The following CNTN3 variants were observed in gnomAD, a reference collection of about 807,000 sequenced individuals.
CNTN3 encodes the protein contactin-3.
In CNTN3, 60 loss-of-function variants were observed where a neutral mutation model predicts 119.1. The ratio of observed to expected loss-of-function variants is 0.50; its 90% CI spans 0.41 to 0.62. The LOEUF (loss-of-function observed/expected upper bound fraction) is 0.62. Among genes scored for constraint, CNTN3 ranks in the 20% least tolerant of loss-of-function variants. CNTN3 has a pLI of 0.00. For missense variants in CNTN3, 1,101 were observed against 1,242.4 expected, an observed-to-expected ratio of 0.89 and a Z score of 1.71; for synonymous variants, 450 against 438.7, an observed-to-expected ratio of 1.03 and a Z score of -0.32.
chr3:74,335,068 G>C (rs1703358558), intron 12 of CNTN3, among the ~76,000 whole-genome samples, 158 bp from the exon 13 acceptor site: 1 of 152,108 alleles, frequency 6.6e-6, no homozygotes, highest in Admixed American at 6.6e-5. Flanking sequence ...AACATTAAAA[G>C]AGGCATTTTG....
chr3:74,606,928 A>G (rs539112971), intron 1 of CNTN3, among the ~76,000 whole-genome samples: 6 of 152,322 alleles, frequency 3.9e-5, no homozygotes, highest in Non-Finnish European at 7.4e-5. Flanking sequence ...ACTACTAAAT[A>G]GAAACATGTA....
chr3:74,267,932 T>A (rs1219848552), intron 20 of CNTN3, among the ~76,000 whole-genome samples: 1 of 152,160 alleles, frequency 6.6e-6, no homozygotes, highest in Non-Finnish European at 1.5e-5. Context: ...CCTTGTATGA[T>A]AAGATGGGCA....
intron 12 of CNTN3, among the ~76,000 whole-genome samples, chr3:74,335,179 C>G (rs1575734058): frequency 6.6e-6 from 1 of 152,018 alleles, no homozygotes; most frequent in African/African-American, 2.4e-5. Context: ...GTCGTGTAAA[C>G]AACAGTTATA....
chr3:74,610,662 A>G (rs1193184322), intron 1 of CNTN3, among the ~76,000 whole-genome samples: 1 of 152,144 alleles, frequency 6.6e-6, no homozygotes, highest in African/African-American at 2.4e-5. Flanking sequence ...ATTAAAAAAA[A>G]AAGAAGTCTT....
chr3:74,584,322 G>C (rs1056977356), intron 1 of CNTN3, among the ~76,000 whole-genome samples: 1 of 152,064 alleles, frequency 6.6e-6, no homozygotes, highest in African/African-American at 2.4e-5. Flanking sequence ...ATAATCTTGT[G>C]ATATACTTTT....
chr3:74,330,642 A>G (rs1703243137), intron 13 of CNTN3, among the ~76,000 whole-genome samples: 1 of 152,158 alleles, frequency 6.6e-6, no homozygotes, highest in African/African-American at 2.4e-5. Context: ...AAAGAGTCTC[A>G]TATAGGTCCT....
intron 8 of CNTN3, among the ~76,000 whole-genome samples, chr3:74,367,381 A>T (rs948917197): frequency 7.2e-5 from 11 of 152,022 alleles, no homozygotes; most frequent in African/African-American, 2.7e-4. Context: ...AAATAACACC[A>T]ATTTTTAATT....
At chr3:74,439,762 A>T (rs1200711547) in intron 4 of CNTN3, among the ~76,000 whole-genome samples, 1 of 152,170 alleles carries the variant, frequency 6.6e-6, no homozygotes, top group Non-Finnish European at 1.5e-5. Flanking sequence ...CTTCACCTAC[A>T]AAAGGTGAAA....
At position 74,369,971 on chromosome 3, in the gene CNTN3, GTT is replaced by G; in HGVS notation, c.677_678del (p.Glu226AlafsTer2). 1 of 1,592,240 alleles carries G rather than the reference GTT, an allele frequency of 6.3e-7. No individual in the cohort carries two copies. Among genetic ancestry groups the G allele is most frequent in the Admixed American group, 1.7e-5 (1 of 59,154 alleles). The part of the protein sequence containing the change: ...LRSDGVMGEY[E>X]PKIEVQFPET... ...TCTGGAAACTGAACTTCTATTTTAG[GTT>G]CATATTCACCCATCACACCTATAAA... On this transcript the variant is annotated frameshift_variant, in exon 7 of 23. Transcript: ENST00000263665. LOFTEE classifies it high-confidence loss of function.
intron 1 of CNTN3, among the ~76,000 whole-genome samples, chr3:74,612,841 C>A (rs1042646635): frequency 6.6e-6 from 1 of 152,114 alleles, no homozygotes; most frequent in Non-Finnish European, 1.5e-5. Flanking sequence ...AGGCTGAACC[C>A]GATCAGATTT....
intron 13 of CNTN3, among the ~76,000 whole-genome samples, chr3:74,306,405 A>G (rs1559693819): frequency 6.6e-6 from 1 of 152,192 alleles, no homozygotes; most frequent in Non-Finnish European, 1.5e-5. Context: ...ACAAATTCTT[A>G]GAAACACTAA....
intron 5 of CNTN3, among the ~76,000 whole-genome samples, chr3:74,422,259 T>C (rs4677395): frequency 0.59 from 90,402 of 151,976 alleles, 29,448 homozygotes; most frequent in East Asian, 0.81. Context: ...CATCTAAATC[T>C]GTACAATCTG....
At chr3:74,370,962 C>A (rs1187915190) in intron 6 of CNTN3, among the ~76,000 whole-genome samples, 1 of 152,082 alleles carries the variant, frequency 6.6e-6, no homozygotes, top group Non-Finnish European at 1.5e-5. Context: ...AGGGGCCACT[C>A]ATTTTTACTT....
chr3:74,444,505 T>C (rs1282337760), intron 4 of CNTN3, among the ~76,000 whole-genome samples: 1 of 152,294 alleles, frequency 6.6e-6, no homozygotes, highest in South Asian at 2.1e-4. Context: ...ACTTTTCATC[T>C]ACCTGACAAT....
chr3:74,424,397 A>ATG, intron 5 of CNTN3, among the ~76,000 whole-genome samples: 2 of 88,140 alleles, frequency 2.3e-5, no homozygotes, highest in Middle Eastern at 0.011. Context: ...GTATAAATAT[A>ATG]TATATATATA....
chr3:74,401,363 A>T (rs1328108649), intron 5 of CNTN3, among the ~76,000 whole-genome samples: 1 of 152,222 alleles, frequency 6.6e-6, no homozygotes, highest in Non-Finnish European at 1.5e-5. Flanking sequence ...AAGATAAAAA[A>T]GAGAATTGAA....
chr3:74,600,697 A>G (rs1267641437), intron 1 of CNTN3, among the ~76,000 whole-genome samples: 1 of 152,094 alleles, frequency 6.6e-6, no homozygotes, highest in Non-Finnish European at 1.5e-5. Flanking sequence ...CAAGTAGTCA[A>G]CACTACCCAA....
chr3:74,411,959 T>C (rs543805782), intron 5 of CNTN3, among the ~76,000 whole-genome samples: 1 of 152,278 alleles, frequency 6.6e-6, no homozygotes, highest in South Asian at 2.1e-4. Context: ...ACTGAAAACA[T>C]TGCATATGTT....
intron 4 of CNTN3, among the ~76,000 whole-genome samples, chr3:74,447,799 G>C (rs1025785618): frequency 1.3e-5 from 2 of 152,178 alleles, no homozygotes; most frequent in Non-Finnish European, 2.9e-5. Flanking sequence ...GTTGCTAAGA[G>C]TAAGGGCAGG....
Sources: allele counts gnomAD v4.1 joint callset (sites outside exome capture counted in the v4.1 genomes callset), GRCh38; gene constraint gnomAD v4.1.1; transcripts MANE v1.5; gene names NCBI Gene and HGNC (gene_info 2026-07-23, HGNC 2026-07-21).